The following GPC5 variants were observed in gnomAD, a reference collection of about 807,000 sequenced individuals.
The protein encoded by GPC5 is glypican 5.
A neutral mutation model predicts 53.9 loss-of-function variants in GPC5; 47 were observed. The ratio of observed to expected loss-of-function variants is 0.87; its 90% CI spans 0.69 to 1.11. The LOEUF (loss-of-function observed/expected upper bound fraction) is 1.11, where lower values mean the gene tolerates loss of function less well. GPC5 is among the 50% of genes most tolerant of loss of function. GPC5 has a pLI of 0.00. For missense variants in GPC5, 748 were observed against 713.1 expected (o/e 1.05, Z -0.56); for synonymous variants, 286 against 263.3 (o/e 1.09, Z -0.84).
intron 5 of GPC5, among the ~76,000 whole-genome samples, chr13:91,775,548 C>T (rs1384016150): frequency 6.6e-6 from 1 of 152,148 alleles, no homozygotes; most frequent in East Asian, 1.9e-4. Context: ...CACTTTCCAA[C>T]ACATGGAAAC....
chr13:91,908,306 A>T (rs143619996), intron 6 of GPC5, among the ~76,000 whole-genome samples: 1 of 152,054 alleles, frequency 6.6e-6, no homozygotes, highest in African/African-American at 2.4e-5. Context: ...GCATTTCATA[A>T]TGAGAATCTC....
intron 5 of GPC5, among the ~76,000 whole-genome samples, chr13:91,866,716 G>C (rs919046058): frequency 5.3e-5 from 8 of 152,258 alleles, no homozygotes; most frequent in Admixed American, 3.3e-4. Context: ...ATAGCAATGA[G>C]ATGGACTAAT....
chr13:92,408,677 A>G (rs1298733355), intron 7 of GPC5, among the ~76,000 whole-genome samples: 1 of 151,960 alleles, frequency 6.6e-6, no homozygotes, highest in African/African-American at 2.4e-5. Context: ...ATGTATATGT[A>G]TTTATATATA....
intron 7 of GPC5, among the ~76,000 whole-genome samples, chr13:92,363,943 T>C (rs897157680): frequency 6.6e-6 from 1 of 151,792 alleles, no homozygotes; most frequent in African/African-American, 2.4e-5. Flanking sequence ...ACAGTGATTA[T>C]AATTATTCCT....
intron 7 of GPC5, among the ~76,000 whole-genome samples, chr13:92,671,340 C>A (rs1334288873): frequency 1.3e-5 from 2 of 152,298 alleles, no homozygotes; most frequent in South Asian, 4.1e-4. Flanking sequence ...GCCATGGATT[C>A]ACTGAAATAA....
chr13:91,507,741 G>T (rs1885018281), intron 2 of GPC5, among the ~76,000 whole-genome samples: 1 of 151,916 alleles, frequency 6.6e-6, no homozygotes, highest in African/African-American at 2.4e-5. Context: ...TGAGGGGTTA[G>T]GTTTCAACAT....
intron 2 of GPC5, among the ~76,000 whole-genome samples, chr13:91,497,745 T>C (rs1403388313): frequency 1.3e-5 from 2 of 152,220 alleles, no homozygotes; most frequent in Non-Finnish European, 2.9e-5. Flanking sequence ...TGAGGATTTA[T>C]AAAGAGCTAA....
intron 7 of GPC5, among the ~76,000 whole-genome samples, chr13:92,739,899 T>C (rs1165669225): frequency 3.3e-5 from 5 of 152,102 alleles, no homozygotes; most frequent in Non-Finnish European, 7.4e-5. Flanking sequence ...TAGGAGTTGT[T>C]GTTCTTTTCA....
chr13:92,007,284 T>A (rs2138766040), intron 6 of GPC5, among the ~76,000 whole-genome samples: 1 of 152,332 alleles, frequency 6.6e-6, no homozygotes, highest in Non-Finnish European at 1.5e-5. Flanking sequence ...CCTGTCATCA[T>A]TTGCCTCTAC....
At chr13:92,050,548 G>A (rs1455941726) in intron 6 of GPC5, among the ~76,000 whole-genome samples, 5 of 152,288 alleles carry the variant, frequency 3.3e-5, no homozygotes, top group Admixed American at 1.3e-4. Context: ...CCTGAGTCCA[G>A]TAGGCAGAAT....
chr13:91,474,690 A>G (rs1882830726), intron 2 of GPC5, among the ~76,000 whole-genome samples: 1 of 152,180 alleles, frequency 6.6e-6, no homozygotes, highest in Non-Finnish European at 1.5e-5. Flanking sequence ...AGACAAGAAG[A>G]ATGGTTTCCT....
intron 5 of GPC5, among the ~76,000 whole-genome samples, chr13:91,862,487 G>T (rs983004650): frequency 6.6e-6 from 1 of 152,158 alleles, no homozygotes; most frequent in Admixed American, 6.6e-5. Context: ...TAAACATCCT[G>T]CAATTCACAA....
chr13:92,202,166 T>G (rs2139062060), intron 7 of GPC5, among the ~76,000 whole-genome samples: 1 of 152,320 alleles, frequency 6.6e-6, no homozygotes, highest in East Asian at 1.9e-4. Flanking sequence ...AGAATGATGG[T>G]TTGAAAATAC....
chr13:92,007,196 C>T (rs2040615102), intron 6 of GPC5, among the ~76,000 whole-genome samples: 1 of 152,152 alleles, frequency 6.6e-6, no homozygotes, highest in African/African-American at 2.4e-5. Context: ...TATTTATCAA[C>T]ACACTGCATA....
At chr13:91,621,733 A>T (rs2033860556) in intron 2 of GPC5, among the ~76,000 whole-genome samples, 1 of 132,456 alleles carries the variant, frequency 7.5e-6, no homozygotes, top group South Asian at 2.4e-4. Flanking sequence ...AATATGTATT[A>T]GTCAGGGTTC....
chr13:92,726,303 A>G (rs1181669808), intron 7 of GPC5, among the ~76,000 whole-genome samples: 1 of 151,602 alleles, frequency 6.6e-6, no homozygotes, highest in African/African-American at 2.4e-5. Context: ...TGGAATCAAC[A>G]TATTGAAAAA....
At chr13:92,472,902 T>C (rs1878965907) in intron 7 of GPC5, among the ~76,000 whole-genome samples, 2 of 152,102 alleles carry the variant, frequency 1.3e-5, no homozygotes, top group South Asian at 4.1e-4. Context: ...CATGATTCTT[T>C]GTGTGAACAA....
At chr13:91,445,834 G>T (rs1025001760) in intron 1 of GPC5, among the ~76,000 whole-genome samples, 1 of 152,176 alleles carries the variant, frequency 6.6e-6, no homozygotes. Context: ...GACTGTGACT[G>T]TGGGGAACTG....
intron 2 of GPC5, among the ~76,000 whole-genome samples, chr13:91,483,354 A>G (rs902100584): frequency 2.0e-5 from 3 of 152,206 alleles, no homozygotes; most frequent in Admixed American, 2.0e-4. Flanking sequence ...GTTTTGTCTT[A>G]CAACAATTAA....
Sources: allele counts gnomAD v4.1 joint callset (sites outside exome capture counted in the v4.1 genomes callset), GRCh38; gene constraint gnomAD v4.1.1; transcripts MANE v1.5; gene names NCBI Gene and HGNC (gene_info 2026-07-23, HGNC 2026-07-21).